Variants in PCDHGB1 observed in about 807,000 individuals in gnomAD.
The protein encoded by PCDHGB1 is protocadherin gamma subfamily B, 1, also known as protocadherin gamma-B1.
PCDHGB1 carries 34 observed loss-of-function variants against 56.6 expected under a neutral mutation model. The observed-to-expected ratio is 0.60, with a 90% CI of 0.46 to 0.80. The LOEUF (loss-of-function observed/expected upper bound fraction) is 0.80, where lower values mean the gene tolerates loss of function less well. PCDHGB1 is among the 30% of genes least tolerant of loss of function. The pLI is 0.00. For missense variants in PCDHGB1, 1,278 were observed against 1,204.6 expected (o/e 1.06, Z -0.90); for synonymous variants, 561 against 505.9 (o/e 1.11, Z -1.46).
At chr5:141,449,000 T>G (rs1424736421) in intron 1 of PCDHGB1, among the ~76,000 whole-genome samples, 1 of 151,774 alleles carries the variant, frequency 6.6e-6, no homozygotes, top group African/African-American at 2.4e-5. Context: ...TAGAAAGCTG[T>G]TTTTTTTAAC....
chr5:141,510,272 TAAAA>T (rs546154379), intron 3 of PCDHGB1, among the ~76,000 whole-genome samples: 1 of 130,390 alleles, frequency 7.7e-6, no homozygotes, highest in East Asian at 2.2e-4. Context: ...GACTCCATCT[TAAAA>T]AAAAAAAAAA....
At position 141,431,851 on chromosome 5, in the gene PCDHGB1, A is replaced by G. The variant is rs2097423722; in HGVS notation, c.2410-62956A>G. 1 of 1,614,264 alleles carries G rather than the reference A, an allele frequency of 6.2e-7. No individual in the cohort carries two copies. The highest frequency in any genetic ancestry group is 1.1e-5 in the South Asian group (1 of 91,088). ...TTCCCGAAAACTCTCCCAGAGGGAC[A>G]TTAATTGCCCTTTTAAATGTAAATG... On this transcript the variant is annotated intron_variant, in intron 1 of 3. Coordinates refer to ENST00000523390, the MANE Select transcript of PCDHGB1 (RefSeq NM_018922.3). This position sits in a 1 kb window ranked among gnomAD's most constrained non-coding sequence, Gnocchi z 4.8.
intron 1 of PCDHGB1, among the ~76,000 whole-genome samples, chr5:141,443,772 C>T (rs1284723564): frequency 6.6e-6 from 1 of 151,568 alleles, no homozygotes; most frequent in Non-Finnish European, 1.5e-5. Context: ...TACAATATTA[C>T]CAAAAAGACA....
intron 1 of PCDHGB1, chr5:141,430,922 G>A: frequency 1.2e-6 from 2 of 1,607,168 alleles, no homozygotes; most frequent in South Asian, 2.2e-5. Context: ...CCTGGGGCTG[G>A]AGCCCCGGGA....
At chr5:141,427,912 A>G in intron 1 of PCDHGB1, 1 of 1,577,806 alleles carries the variant, frequency 6.3e-7, no homozygotes, top group East Asian at 2.2e-5. Flanking sequence ...CTCAGCGCCA[A>G]CATGAGCCGG....
intron 1 of PCDHGB1, among the ~76,000 whole-genome samples, chr5:141,450,485 TTGTC>T (rs1466269978): frequency 1.3e-5 from 2 of 152,158 alleles, no homozygotes; most frequent in African/African-American, 2.4e-5. Flanking sequence ...GTTTGTTTGT[TTGTC>T]TGTTTGTTTG....
intron 1 of PCDHGB1, chr5:141,419,444 G>A: frequency 6.2e-7 from 1 of 1,613,088 alleles, no homozygotes; most frequent in Non-Finnish European, 8.5e-7. Context: ...GCGCACCTTC[G>A]AGCTCACGCT....
chr5:141,371,887 C>A (rs372336757), intron 1 of PCDHGB1: 2 of 1,613,424 alleles, frequency 1.2e-6, no homozygotes, highest in Non-Finnish European at 1.7e-6. Flanking sequence ...GACCTGGAGC[C>A]GCGGGAGCTG....
chr5:141,399,643 C>G lies in PCDHGB1; in HGVS notation c.2409+46974C>G, dbSNP rs776980167. On this transcript the variant is annotated intron_variant, in intron 1 of 3. Transcript: ENST00000523390. The stretch of plus-strand genomic sequence containing the variant: ...GGCCTCTTACGTGTCCATGAGCGCG[C>G]AAAGTGGGGTGGTGTTCGCGCAGCG... 133 of 1,613,714 alleles carry G rather than the reference C, an allele frequency of 8.2e-5. No individual in the cohort carries two copies. Among genetic ancestry groups the G allele is most frequent in the Non-Finnish European group, 1.1e-4 (126 of 1,179,890 alleles).
rs755462760 is a variant in PCDHGB1, at chr5:141,393,015, T to A, written c.2409+40346T>A. On this transcript the variant is annotated intron_variant, in intron 1 of 3. Coordinates refer to ENST00000523390, the MANE Select transcript of PCDHGB1 (RefSeq NM_018922.3). ...GGCGAAGCACGGAGTCCGTATCGTC[T>A]CCAGAGGTAGGACGCAGCTCTTTGC... The A allele has an allele frequency of 1.6e-5, 26 of 1,613,696 alleles. No individual in the cohort carries two copies. The highest frequency in any genetic ancestry group is 1.9e-5 in the Non-Finnish European group (22 of 1,179,874).
intron 1 of PCDHGB1, among the ~76,000 whole-genome samples, chr5:141,353,748 C>A (rs557671529): frequency 6.6e-6 from 1 of 152,086 alleles, no homozygotes; most frequent in Non-Finnish European, 1.5e-5. Context: ...AATCTATAAA[C>A]ATGTTGAGAT....
intron 1 of PCDHGB1, chr5:141,421,165 T>C: frequency 7.7e-7 from 1 of 1,297,018 alleles, no homozygotes; most frequent in Non-Finnish European, 1.0e-6. Flanking sequence ...ACTTCATAGA[T>C]ACATAAGCCG....
chr5:141,409,022 A>G (rs1258261622), intron 1 of PCDHGB1: 1 of 1,614,046 alleles, frequency 6.2e-7, no homozygotes, highest in Non-Finnish European at 8.5e-7. Flanking sequence ...TGAGGGGGTC[A>G]ATGCTGAGAT....
intron 1 of PCDHGB1, among the ~76,000 whole-genome samples, chr5:141,465,888 C>T (rs1031908926): frequency 5.3e-5 from 8 of 151,942 alleles, no homozygotes; most frequent in South Asian, 2.1e-4. Context: ...TTTGGGAGGC[C>T]GAGGCGGGCA....
intron 1 of PCDHGB1, among the ~76,000 whole-genome samples, chr5:141,363,769 G>A (rs1354006862): frequency 6.6e-6 from 1 of 152,102 alleles, no homozygotes; most frequent in Non-Finnish European, 1.5e-5. Context: ...AAATAAGCAC[G>A]TTTTCCTAAA....
intron 1 of PCDHGB1, chr5:141,383,184 C>A: frequency 6.2e-7 from 1 of 1,614,082 alleles, no homozygotes; most frequent in East Asian, 2.2e-5. Context: ...GGGAAGAGAT[C>A]TGCGCTCAGA....
chr5:141,382,839 T>A lies in PCDHGB1; in HGVS notation c.2409+30170T>A. 4 of 1,450,270 alleles carry A rather than the reference T, an allele frequency of 2.8e-6. No individual in the cohort carries two copies. In the South Asian group the frequency reaches 5.5e-5, roughly 20 times the overall value. 89.8% of individuals were successfully genotyped at this position (1,450,270 alleles called of 1,614,324 possible). A position where few individuals can be genotyped will look rare whatever the true frequency, so the allele number is the denominator to read the frequency against. On this transcript the variant is annotated intron_variant, in intron 1 of 3. Coordinates refer to ENST00000523390, the MANE Select transcript of PCDHGB1 (RefSeq NM_018922.3). ...CCTAAGACAGAGGGGTCCACCCGGA[T>A]ACACCCGCATTCTGAAGCACTTCCC...
chr5:141,477,867 C>CGGT lies in PCDHGB1; in HGVS notation c.2410-16940_2410-16939insGGT. On this transcript the variant is annotated intron_variant, in intron 1 of 3. Transcript: ENST00000523390. This position sits in a 1 kb window ranked among gnomAD's most constrained non-coding sequence, Gnocchi z 4.9. ...TCGGTGGAGATGCTGCCTCGAGGTA[C>CGGT]CTCAGCTGGCCACCTAGTGTCACGG... 6.2e-7 allele frequency: 1 copy of CGGT among 1,613,614 alleles called. No homozygotes were observed. Among genetic ancestry groups the CGGT allele is most frequent in the Non-Finnish European group, 8.5e-7 (1 of 1,179,854 alleles).
chr5:141,417,613 G>A (rs984573855), intron 1 of PCDHGB1: 2 of 624,312 alleles, frequency 3.2e-6, no homozygotes, highest in African/African-American at 3.7e-5. Flanking sequence ...GTCGGCCAGT[G>A]CAGAGCAAGC....
Sources: allele counts gnomAD v4.1 joint callset (sites outside exome capture counted in the v4.1 genomes callset), GRCh38; gene constraint gnomAD v4.1.1; non-coding constraint Gnocchi (gnomAD v3.1); transcripts MANE v1.5; gene names NCBI Gene and HGNC (gene_info 2026-07-23, HGNC 2026-07-21).